Variants in SPATA6L observed in about 807,000 individuals in gnomAD.
SPATA6L encodes the protein spermatogenesis associated 6-like protein.
In SPATA6L, 68 loss-of-function variants were observed where a neutral mutation model predicts 49.2. The ratio of observed to expected loss-of-function variants is 1.38; its 90% CI spans 1.14 to 1.69. The LOEUF (loss-of-function observed/expected upper bound fraction) is 1.69, where lower values mean the gene tolerates loss of function less well. Ranked by LOEUF, SPATA6L falls within the 40% of genes most tolerant of loss-of-function variation. The pLI is 0.00. For missense variants in SPATA6L, 668 were observed against 464.3 expected, an observed-to-expected ratio of 1.44 and a Z score of -4.03; for synonymous variants, 198 against 165.7, an observed-to-expected ratio of 1.19 and a Z score of -1.50.
intron 11 of SPATA6L, among the ~76,000 whole-genome samples, chr9:4,601,797 G>A (rs1470688144): frequency 1.3e-5 from 2 of 152,180 alleles, no homozygotes; most frequent in African/African-American, 4.8e-5. Context: ...CCTGGGGTCT[G>A]TCCTCCCAAC....
intron 3 of SPATA6L, among the ~76,000 whole-genome samples, chr9:4,635,613 G>T (rs1372469125): frequency 2.0e-5 from 3 of 152,112 alleles, no homozygotes; most frequent in Admixed American, 1.3e-4. Flanking sequence ...GAGAAAAAAA[G>T]ACTAAAGAGA....
chr9:4,649,094 C>G, intron 3 of SPATA6L, among the ~76,000 whole-genome samples: 1 of 138,644 alleles, frequency 7.2e-6, no homozygotes, highest in South Asian at 2.3e-4. Context: ...CACACACACA[C>G]ATATCACAGT....
At chr9:4,606,993 G>A (rs987305179) in intron 9 of SPATA6L, among the ~76,000 whole-genome samples, 2 of 148,370 alleles carry the variant, frequency 1.3e-5, no homozygotes, top group Admixed American at 1.3e-4. Flanking sequence ...ACTACGTGAA[G>A]AATGCAGAAG....
chr9:4,605,980 G>T (rs1189997583), intron 9 of SPATA6L, among the ~76,000 whole-genome samples: 1 of 152,274 alleles, frequency 6.6e-6, no homozygotes, highest in African/African-American at 2.4e-5. Context: ...GAAGCAGGGC[G>T]AGGCATTGCC....
chr9:4,615,346 C>T (rs916927603), intron 9 of SPATA6L, among the ~76,000 whole-genome samples: 1 of 152,116 alleles, frequency 6.6e-6, no homozygotes, highest in African/African-American at 2.4e-5. Context: ...TTAGTGTTCC[C>T]ATTGCTGGCC....
At chr9:4,614,735 T>A (rs1014160723) in intron 9 of SPATA6L, among the ~76,000 whole-genome samples, 18 of 152,304 alleles carry the variant, frequency 1.2e-4, no homozygotes, top group African/African-American at 4.3e-4. Context: ...CTGGATGGCC[T>A]TTCTGTGGCT....
At position 4,598,632 on chromosome 9, in the gene SPATA6L, A is replaced by C. The variant is rs1430107384; in HGVS notation, c.*2179T>G. 1.3e-5 allele frequency among the ~76,000 whole-genome samples: 2 copies of C among 152,238 alleles called. No individual in the cohort carries two copies. Among genetic ancestry groups the C allele is most frequent in the Admixed American group, 6.5e-5 (1 of 15,292 alleles). ...GAGTTATGCTTAAACCATTTCAAAA[A>C]ACACTGAATATTGAATGTCATGGTG... is the stretch of plus-strand genomic sequence containing the variant. On this transcript the variant is annotated 3_prime_UTR_variant, in exon 12 of 12. Transcript: ENST00000682582.
At chr9:4,614,325 G>C (rs1480760178) in intron 9 of SPATA6L, among the ~76,000 whole-genome samples, 7 of 152,096 alleles carry the variant, frequency 4.6e-5, no homozygotes, top group Non-Finnish European at 1.0e-4. Flanking sequence ...TCCAAAATTT[G>C]TCTCCCAACT....
intron 13 of SPATA6L, among the ~76,000 whole-genome samples, chr9:4,591,736 C>T (rs1312421475): frequency 6.6e-6 from 1 of 152,180 alleles, no homozygotes; most frequent in Admixed American, 6.5e-5. Context: ...CATGCCACTG[C>T]AGTTGATGAA....
intron 1 of SPATA6L, 41 bp downstream of exon 1, chr9:4,666,171 C>T (rs1587600440): frequency 6.2e-7 from 1 of 1,609,884 alleles, no homozygotes; most frequent in East Asian, 2.2e-5. Flanking sequence ...TATTTAGAGT[C>T]CGACTTGAGG....
chr9:4,629,856 C>T (rs1274251407), intron 4 of SPATA6L, among the ~76,000 whole-genome samples: 2 of 145,050 alleles, frequency 1.4e-5, no homozygotes, highest in African/African-American at 5.2e-5. Context: ...TTACAATCAT[C>T]CTGTTTTACA....
intron 13 of SPATA6L, among the ~76,000 whole-genome samples, chr9:4,592,360 C>T (rs972819006): frequency 1.3e-5 from 2 of 151,350 alleles, no homozygotes; most frequent in African/African-American, 4.9e-5. Context: ...TTTTTATTTA[C>T]TCAGCAGACG....
At chr9:4,634,872 T>A (rs886529479) in intron 4 of SPATA6L, among the ~76,000 whole-genome samples, 9 of 152,198 alleles carry the variant, frequency 5.9e-5, no homozygotes, top group African/African-American at 2.2e-4. Context: ...GGAGACCATA[T>A]CTGCCTTGGC....
At chr9:4,644,683 TCTCACA>T (rs753857024) in intron 3 of SPATA6L, among the ~76,000 whole-genome samples, 9,192 of 135,494 alleles carry the variant, frequency 0.068, 592 homozygotes, top group East Asian at 0.22. Flanking sequence ...TCTCTCTCTC[TCTCACA>T]CACACACACA....
At chr9:4,657,314 A>T (rs907922756) in intron 2 of SPATA6L, among the ~76,000 whole-genome samples, 1 of 152,186 alleles carries the variant, frequency 6.6e-6, no homozygotes, top group Non-Finnish European at 1.5e-5. Flanking sequence ...TTATTTTAAC[A>T]ATCCTTTCAT....
chr9:4,619,215 T>C (rs1367557565), intron 7 of SPATA6L, among the ~76,000 whole-genome samples: 1 of 143,588 alleles, frequency 7.0e-6, no homozygotes, highest in African/African-American at 2.7e-5. Context: ...TGGAGTGCAA[T>C]GGCACAATCT....
intron 5 of SPATA6L, chr9:4,625,832 T>C (rs1830245556): frequency 4.0e-6 from 1 of 248,824 alleles, no homozygotes; most frequent in African/African-American, 2.2e-5. Flanking sequence ...AGTTAGAAAG[T>C]GTCAGACACC....
In SPATA6L at chr9:4,605,391, A is replaced by G. The variant is rs371605998; in HGVS notation, c.1045T>C (p.Cys349Arg). Residue 349 changes from cysteine to arginine, a missense_variant, in exon 10 of 12, where the codon TGC (cysteine) becomes CGC (arginine). By Grantham distance (180) the Cys-to-Arg change is radical. Transcript: ENST00000682582. ...GCTCTGTGGGATGTCAGAAGACTGCATACCCTCTCATGGATATTCTTCCAT... is the reference window on the plus strand; with the variant it reads ...GCTCTGTGGGATGTCAGAAGACTGCGTACCCTCTCATGGATATTCTTCCAT... ...STWKNIHERVCSLLTSHRAQL... is the reference protein window; with the variant it reads ...STWKNIHERVRSLLTSHRAQL... 2 of 1,614,100 alleles carry G rather than the reference A, an allele frequency of 1.2e-6. No homozygotes were observed. Among genetic ancestry groups the G allele is most frequent in the Non-Finnish European group, 8.5e-7 (1 of 1,180,030 alleles).
At chr9:4,644,909 G>A (rs1835008644) in intron 3 of SPATA6L, among the ~76,000 whole-genome samples, 1 of 152,160 alleles carries the variant, frequency 6.6e-6, no homozygotes, top group South Asian at 2.1e-4. Context: ...TTCTAGCACA[G>A]GGGTCACAGA....
Sources: allele counts gnomAD v4.1 joint callset (sites outside exome capture counted in the v4.1 genomes callset), GRCh38; gene constraint gnomAD v4.1.1; transcripts MANE v1.5; gene names NCBI Gene and HGNC (gene_info 2026-07-23, HGNC 2026-07-21).